LGR5: variants seen among roughly 807,000 people sequenced by gnomAD.
LGR5 encodes leucine rich repeat containing G protein-coupled receptor 5.
LGR5 carries 54 observed loss-of-function variants against 76.7 expected under a neutral mutation model. The ratio of observed to expected loss-of-function variants is 0.70; its 90% CI spans 0.57 to 0.88. LGR5 has a LOEUF of 0.88. LGR5 is among the 40% of genes least tolerant of loss of function. LGR5 has a pLI of 0.00. For synonymous variants in LGR5, 406 were observed against 421.9 expected, an observed-to-expected ratio of 0.96 and a Z score of 0.46; for missense variants, 1,078 against 1,073.3, an observed-to-expected ratio of 1.00 and a Z score of -0.06.
At chr12:71,567,935 A>C (rs1185807607) in intron 11 of LGR5, among the ~76,000 whole-genome samples, 1 of 152,190 alleles carries the variant, frequency 6.6e-6, no homozygotes, top group Non-Finnish European at 1.5e-5. Context: ...CAAAGCAAGA[A>C]AGAAGCGAGT....
intron 2 of LGR5, among the ~76,000 whole-genome samples, chr12:71,523,751 A>G (rs1875837628): frequency 6.6e-6 from 1 of 152,230 alleles, no homozygotes; most frequent in Admixed American, 6.5e-5. Context: ...AAAATATTAT[A>G]AAGTAAACTT....
At chr12:71,568,757 C>T (rs1284414412) in intron 11 of LGR5, among the ~76,000 whole-genome samples, 3 of 152,182 alleles carry the variant, frequency 2.0e-5, no homozygotes, top group Admixed American at 6.5e-5. Flanking sequence ...TTATGTTCTC[C>T]TGGGGGTATA....
At chr12:71,543,109 T>C (rs866559824) in intron 4 of LGR5, among the ~76,000 whole-genome samples, 7 of 152,252 alleles carry the variant, frequency 4.6e-5, no homozygotes, top group South Asian at 2.1e-4. Flanking sequence ...TAAGTGTTGA[T>C]CTAGACAGCT....
chr12:71,573,694 A>T (rs1167554724), intron 13 of LGR5, among the ~76,000 whole-genome samples: 1 of 151,768 alleles, frequency 6.6e-6, no homozygotes, highest in Non-Finnish European at 1.5e-5. Context: ...CATCTAAAGT[A>T]TTTTTTTTGT....
intron 15 of LGR5, among the ~76,000 whole-genome samples, chr12:71,580,019 G>A (rs988830814): frequency 1.3e-5 from 2 of 151,186 alleles, no homozygotes; most frequent in Non-Finnish European, 2.9e-5. Context: ...TTTTTATTTT[G>A]GAAATTTTCC....
intron 1 of LGR5, among the ~76,000 whole-genome samples, chr12:71,492,334 G>C (rs771779127): frequency 3.3e-5 from 5 of 152,120 alleles, no homozygotes; most frequent in African/African-American, 4.8e-5. Context: ...TTACTGGAGT[G>C]GTGTCACATA....
chr12:71,509,451 T>C (rs1218486807), intron 2 of LGR5, among the ~76,000 whole-genome samples: 3 of 152,216 alleles, frequency 2.0e-5, no homozygotes, highest in Non-Finnish European at 4.4e-5. Flanking sequence ...CGATTGCAGA[T>C]AGTTCTTTAC....
At chr12:71,477,796 G>T (rs1490390390) in intron 1 of LGR5, among the ~76,000 whole-genome samples, 2 of 152,174 alleles carry the variant, frequency 1.3e-5, no homozygotes, top group African/African-American at 4.8e-5. Context: ...AGGGCAGCTG[G>T]AGTTGGCCAT....
chr12:71,522,314 G>A (rs1395333573), intron 2 of LGR5, among the ~76,000 whole-genome samples: 6 of 152,108 alleles, frequency 3.9e-5, no homozygotes, highest in Non-Finnish European at 8.8e-5. Context: ...ACTGAATATG[G>A]GGAGACAAGA....
intron 13 of LGR5, among the ~76,000 whole-genome samples, chr12:71,576,346 TG>T (rs1435708296): frequency 6.6e-6 from 1 of 152,158 alleles, no homozygotes; most frequent in Admixed American, 6.5e-5. Flanking sequence ...CAGTAACATC[TG>T]GGGCTAGAGT....
intron 1 of LGR5, among the ~76,000 whole-genome samples, chr12:71,475,949 G>A (rs1055689891): frequency 6.6e-6 from 1 of 152,120 alleles, no homozygotes; most frequent in Non-Finnish European, 1.5e-5. Context: ...AACCTTGAGA[G>A]TTAGCTTGGA....
chr12:71,474,026 G>C lies in LGR5; in HGVS notation c.213-30588G>C, dbSNP rs142632532. Among the ~76,000 whole-genome samples the C allele has an allele frequency of 1.6e-3, 251 of 152,204 alleles. 3 individuals are homozygous for C. In the East Asian group the frequency reaches 0.025, roughly 15 times the overall value. On this transcript the variant is annotated intron_variant, in intron 1 of 17. Coordinates refer to ENST00000266674, the MANE Select transcript of LGR5 (RefSeq NM_003667.4). ...CATGCACTAAAATCTCTTCAAAAAT[G>C]AGCCCTGGGATCTCTTTCACATCCT...
intron 7 of LGR5, among the ~76,000 whole-genome samples, chr12:71,561,273 C>A (rs1373369170): frequency 1.3e-5 from 2 of 152,176 alleles, no homozygotes; most frequent in African/African-American, 4.8e-5. Context: ...ACAACATCAA[C>A]AACAACAGAT....
intron 1 of LGR5, among the ~76,000 whole-genome samples, chr12:71,486,532 G>A (rs1053841274): frequency 6.6e-6 from 1 of 152,168 alleles, no homozygotes; most frequent in African/African-American, 2.4e-5. Context: ...GTGCTTATCT[G>A]ATGTAAAATC....
chr12:71,451,026 C>G (rs1004298835), intron 1 of LGR5, among the ~76,000 whole-genome samples: 1 of 152,096 alleles, frequency 6.6e-6, no homozygotes, highest in Non-Finnish European at 1.5e-5. Context: ...AAAAGAAAAA[C>G]CTTAGGCAAA....
chr12:71,464,886 G>A (rs1872802707), intron 1 of LGR5, among the ~76,000 whole-genome samples: 1 of 152,092 alleles, frequency 6.6e-6, no homozygotes, highest in Admixed American at 6.6e-5. Flanking sequence ...AGAATATCCT[G>A]GGGTGTACCT....
chr12:71,448,084 A>C (rs11178801), intron 1 of LGR5, among the ~76,000 whole-genome samples: 90 of 145,658 alleles, frequency 6.2e-4, no homozygotes, highest in African/African-American at 1.9e-3. Flanking sequence ...CACACACACA[A>C]ACACACACAC....
chr12:71,456,179 T>C (rs1205273586), intron 1 of LGR5, among the ~76,000 whole-genome samples: 1 of 152,096 alleles, frequency 6.6e-6, no homozygotes, highest in Non-Finnish European at 1.5e-5. Flanking sequence ...TTACATTAAA[T>C]TCAAATTTAG....
chr12:71,566,000 G>T (rs1878321714), intron 8 of LGR5, among the ~76,000 whole-genome samples: 1 of 152,074 alleles, frequency 6.6e-6, no homozygotes, highest in Admixed American at 6.6e-5. Flanking sequence ...ATAACCTTCA[G>T]TTGATATCGA....
Sources: allele counts gnomAD v4.1 joint callset (sites outside exome capture counted in the v4.1 genomes callset), GRCh38; gene constraint gnomAD v4.1.1; transcripts MANE v1.5; gene names NCBI Gene and HGNC (gene_info 2026-07-23, HGNC 2026-07-21).